PIWIL1: variants seen among roughly 807,000 people sequenced by gnomAD.
PIWIL1 encodes the protein piwi like RNA-mediated gene silencing 1, also known as piwi-like protein 1.
Under a neutral mutation model 114.4 loss-of-function variants are expected in PIWIL1, and 73 were observed. The observed-to-expected ratio is 0.64, with a 90% CI of 0.53 to 0.78. The LOEUF (loss-of-function observed/expected upper bound fraction) is 0.78, where lower values mean the gene tolerates loss of function less well. PIWIL1 is among the 30% of genes least tolerant of loss of function. The pLI is 0.00. For missense variants in PIWIL1, 723 were observed against 1,063.1 expected (o/e 0.68, Z 4.45); for synonymous variants, 375 against 369.0 (o/e 1.02, Z -0.19).
chr12:130,360,978 C>A (rs74518629), intron 14 of PIWIL1, among the ~76,000 whole-genome samples: 1 of 152,160 alleles, frequency 6.6e-6, no homozygotes, highest in Non-Finnish European at 1.5e-5. Context: ...ATTTCCTTCA[C>A]GTGCAATTAT....
the PIWIL1 span, among the ~76,000 whole-genome samples, chr12:130,418,983 G>A: frequency 6.6e-6 from 1 of 152,204 alleles, no homozygotes; most frequent in Non-Finnish European, 1.5e-5. Flanking sequence ...GACAGGTGTG[G>A]GGTAGAGGTG....
chr12:130,340,658 GGTT>G (rs1311872051), intron 1 of PIWIL1, among the ~76,000 whole-genome samples: 2 of 132,940 alleles, frequency 1.5e-5, no homozygotes, highest in African/African-American at 5.3e-5. Flanking sequence ...GGGGGAGGGG[GGTT>G]GGTGGTGGTG....
chr12:130,412,258 C>T, the PIWIL1 span, among the ~76,000 whole-genome samples: 2 of 152,152 alleles, frequency 1.3e-5, no homozygotes, highest in African/African-American at 4.8e-5. Flanking sequence ...CCCCCAACCA[C>T]CCACTGAAAT....
At chr12:130,375,762 C>T (rs1267268322), downstream of PIWIL1, among the ~76,000 whole-genome samples, 1 of 152,042 alleles carries the variant, frequency 6.6e-6, no homozygotes, top group Non-Finnish European at 1.5e-5. Flanking sequence ...CTCTCTTTCC[C>T]TCAAAACTCC....
At chr12:130,403,062 C>T in the PIWIL1 span, among the ~76,000 whole-genome samples, 2 of 152,146 alleles carry the variant, frequency 1.3e-5, no homozygotes, top group Non-Finnish European at 2.9e-5. Flanking sequence ...TGGGATATAG[C>T]AGAACAGAGA....
chr12:130,364,986 A>C (rs2073615468), intron 18 of PIWIL1, among the ~76,000 whole-genome samples: 1 of 152,178 alleles, frequency 6.6e-6, no homozygotes, highest in Non-Finnish European at 1.5e-5. Flanking sequence ...TCTGTTTCTT[A>C]GGGTCCTTTG....
chr12:130,399,721 G>A, the PIWIL1 span: 5 of 1,614,144 alleles, frequency 3.1e-6, no homozygotes, highest in Non-Finnish European at 4.2e-6. Flanking sequence ...GAGAGTAGTG[G>A]GATGGAGCAT....
chr12:130,377,352 G>T (rs141234888), downstream of PIWIL1, among the ~76,000 whole-genome samples: 6 of 152,212 alleles, frequency 3.9e-5, no homozygotes, highest in Non-Finnish European at 8.8e-5. Flanking sequence ...CCCAACAGTG[G>T]TCCTTGATCC....
the PIWIL1 span, among the ~76,000 whole-genome samples, chr12:130,395,272 C>T: frequency 3.3e-5 from 5 of 152,164 alleles, no homozygotes; most frequent in Non-Finnish European, 5.9e-5. Context: ...GGTCATAAAA[C>T]AAAAGCAAAA....
chr12:130,347,160 G>A (rs1171671179), intron 6 of PIWIL1, 98 bp downstream of exon 6: 2 of 934,206 alleles, frequency 2.1e-6, no homozygotes, highest in Non-Finnish European at 1.6e-6. Context: ...TTTCAGCATT[G>A]GTTGGGATTA....
At chr12:130,407,891 C>G in the PIWIL1 span, 1 of 1,463,214 alleles carries the variant, frequency 6.8e-7, no homozygotes, top group Non-Finnish European at 9.5e-7. Flanking sequence ...TAGCGGTGTT[C>G]CCCTCCTTCC....
chr12:130,346,178 G>C (rs888368905), intron 4 of PIWIL1, among the ~76,000 whole-genome samples, 192 bp from the exon 5 acceptor site: 4 of 152,170 alleles, frequency 2.6e-5, no homozygotes, highest in Non-Finnish European at 5.9e-5. Flanking sequence ...GTTTCTAAAT[G>C]TATGCTTCTT....
chr12:130,351,700 C>A (rs1338247649), intron 9 of PIWIL1: 1 of 152,200 alleles, frequency 6.6e-6, no homozygotes, highest in Non-Finnish European at 1.5e-5. Context: ...CCTTCCCCTG[C>A]CTCCTAGTAC....
At chr12:130,356,882 C>T in intron 12 of PIWIL1, 36 bp from the exon 13 acceptor site, 1 of 1,476,276 alleles carries the variant, frequency 6.8e-7, no homozygotes, top group Non-Finnish European at 9.2e-7. Flanking sequence ...TGAGAACTTA[C>T]AATGGAATTT....
chr12:130,405,851 A>G, the PIWIL1 span, among the ~76,000 whole-genome samples: 28,795 of 152,174 alleles, frequency 0.19, 3,214 homozygotes, highest in East Asian at 0.42. Context: ...AGTAATCTAG[A>G]AACTTAAATT....
intron 1 of PIWIL1, among the ~76,000 whole-genome samples, chr12:130,340,706 C>T (rs2072896714): frequency 6.6e-6 from 1 of 151,552 alleles, no homozygotes; most frequent in Non-Finnish European, 1.5e-5. Flanking sequence ...GGGACGCTGC[C>T]TGTAGATTAT....
At chr12:130,367,301 G>T (rs138493946) in intron 19 of PIWIL1, 43 bp downstream of exon 19, 28 of 1,576,062 alleles carry the variant, frequency 1.8e-5, no homozygotes, top group Non-Finnish European at 2.4e-5. Flanking sequence ...TCTCCTTGGT[G>T]GTGGTTTCTT....
chr12:130,399,568 G>A, the PIWIL1 span: 1 of 1,257,420 alleles, frequency 8.0e-7, no homozygotes. Flanking sequence ...AAAATTCAGG[G>A]TGTATTTACG....
chr12:130,395,405 A>C, the PIWIL1 span, among the ~76,000 whole-genome samples: 1 of 152,196 alleles, frequency 6.6e-6, no homozygotes, highest in Non-Finnish European at 1.5e-5. Context: ...TCTTGTCCTC[A>C]GGGTGGGTGC....
Sources: allele counts gnomAD v4.1 joint callset (sites outside exome capture counted in the v4.1 genomes callset), GRCh38; gene constraint gnomAD v4.1.1; transcripts MANE v1.5; gene names NCBI Gene and HGNC (gene_info 2026-07-23, HGNC 2026-07-21).